The following OSTM1 variants were observed in gnomAD, a reference collection of about 807,000 sequenced individuals.
OSTM1 encodes osteoclastogenesis associated transmembrane protein 1, also known as osteopetrosis-associated transmembrane protein 1.
In OSTM1, 26 loss-of-function variants were observed where a neutral mutation model predicts 35.4. That is an observed-to-expected ratio of 0.73 (90% CI 0.54 to 1.02). OSTM1 has a LOEUF of 1.02. Ranked by LOEUF, OSTM1 falls within the 50% of genes least tolerant of loss-of-function variation. The pLI is 0.00. For missense variants in OSTM1, 366 were observed against 409.6 expected (o/e 0.89, Z 0.92); for synonymous variants, 181 against 165.0 (o/e 1.10, Z -0.75).
intron 1 of OSTM1, among the ~76,000 whole-genome samples, chr6:108,072,565 G>A (rs1312223612): frequency 6.6e-6 from 1 of 150,964 alleles, no homozygotes; most frequent in African/African-American, 2.4e-5. Context: ...CCCAGGAGGC[G>A]GAGATTGCAG....
rs1186643338 is a variant in OSTM1, at chr6:108,074,673, G to A, written c.-22C>T. On this transcript the variant is annotated 5_prime_UTR_variant, in exon 1 of 6. Coordinates refer to ENST00000193322, the MANE Select transcript of OSTM1 (RefSeq NM_014028.4). ...CCATCACCGGGCTCACACACCCCAG[G>A]GAGCCCACCGCCGCCTCTCCGCCCC... 2 of 1,519,978 alleles carry A rather than the reference G, an allele frequency of 1.3e-6. No homozygotes were observed. The highest frequency in any genetic ancestry group is 1.8e-6 in the Non-Finnish European group (2 of 1,139,844). 94.2% of individuals were successfully genotyped at this position (1,519,978 alleles called of 1,614,324 possible).
Position 108,074,664 on chromosome 6 carries a change from A to G in OSTM1, c.-13T>C. 1.9e-6 allele frequency: 3 copies of G among 1,538,472 alleles called. No homozygotes were observed. Among genetic ancestry groups the G allele is most frequent in the Non-Finnish European group, 2.6e-6 (3 of 1,148,902 alleles). On this transcript the variant is annotated 5_prime_UTR_variant, in exon 1 of 6. Transcript: ENST00000193322. ...GGCCCGGCTCCATCACCGGGCTCAC[A>G]CACCCCAGGGAGCCCACCGCCGCCT... is the stretch of plus-strand genomic sequence containing the variant.
chr6:108,055,811 A>C (rs1047602875), intron 2 of OSTM1, among the ~76,000 whole-genome samples: 1 of 152,168 alleles, frequency 6.6e-6, no homozygotes, highest in Non-Finnish European at 1.5e-5. Flanking sequence ...ATCCTTGTAG[A>C]TGCCCTCCTA....
At chr6:108,068,882 C>T (rs1205705941) in intron 1 of OSTM1, among the ~76,000 whole-genome samples, 1 of 152,214 alleles carries the variant, frequency 6.6e-6, no homozygotes, top group Admixed American at 6.5e-5. Flanking sequence ...TGACCTGGCA[C>T]CTGTGTACTT....
chr6:108,047,223 T>C (rs1238285402), intron 5 of OSTM1, among the ~76,000 whole-genome samples: 3 of 152,174 alleles, frequency 2.0e-5, no homozygotes, highest in African/African-American at 4.8e-5. Context: ...TTTGAGCAAG[T>C]AACTTTAGAG....
At chr6:108,055,449 T>C (rs894645655) in intron 2 of OSTM1, among the ~76,000 whole-genome samples, 1 of 152,178 alleles carries the variant, frequency 6.6e-6, no homozygotes, top group African/African-American at 2.4e-5. Flanking sequence ...TCCAAAGTGC[T>C]GGGATTACTT....
At chr6:108,066,054 C>T (rs1422918278) in intron 1 of OSTM1, among the ~76,000 whole-genome samples, 2 of 152,026 alleles carry the variant, frequency 1.3e-5, no homozygotes, top group African/African-American at 4.8e-5. Context: ...ATGTGGTATT[C>T]GGAGAGTATT....
At chr6:108,047,459 A>G (rs1220550232) in intron 5 of OSTM1, among the ~76,000 whole-genome samples, 2 of 152,260 alleles carry the variant, frequency 1.3e-5, no homozygotes, top group Non-Finnish European at 2.9e-5. Context: ...GATTTATTCT[A>G]GGTACAATGG....
chr6:108,041,711 G>A lies in OSTM1; in HGVS notation c.*3074C>T, dbSNP rs148211227. The A allele has an allele frequency of 2.2e-4, 33 of 152,226 alleles. No individual in the cohort carries two copies. The highest frequency in any genetic ancestry group is 7.5e-4 in the African/African-American group (31 of 41,560). The allele number at this position is 152,226 out of a possible 1,614,324, so 9.4% of individuals were successfully genotyped here. ...AAAGAATGACTGTTATAAATAAAGA[G>A]CTCTATGATGTTCCACTTATTTAGT... On this transcript the variant is annotated 3_prime_UTR_variant, in exon 6 of 6. Coordinates refer to ENST00000193322, the MANE Select transcript of OSTM1 (RefSeq NM_014028.4).
Position 108,051,156 on chromosome 6 carries a change from C to T in OSTM1, c.658G>A (p.Val220Ile), listed in dbSNP as rs151132078. ...SLLQTKNYSE[V>I]CKNCREAYKT... ...TATGCTTCACGGCAGTTTTTGCATA[C>T]TTCTGAATAATTTTTTGTCTGTAAA... Residue 220 changes from valine to isoleucine, a missense_variant, in exon 4 of 6, where the codon GTA (valine) becomes ATA (isoleucine). Physicochemically the swap from Val to Ile is conservative, Grantham distance 29. Transcript: ENST00000193322. 225 of 1,613,474 alleles carry T rather than the reference C, an allele frequency of 1.4e-4. 1 individual carries two copies. The highest frequency in any genetic ancestry group is 1.6e-4 in the Non-Finnish European group (186 of 1,179,688).
intron 3 of OSTM1, among the ~76,000 whole-genome samples, chr6:108,052,017 T>C (rs759680892): frequency 1.3e-5 from 2 of 152,202 alleles, no homozygotes; most frequent in African/African-American, 2.4e-5. Flanking sequence ...GTAATTACAC[T>C]GATGTTGGCC....
chr6:108,049,406 G>C lies in OSTM1; in HGVS notation c.796C>G (p.Arg266Gly). 6.2e-7 allele frequency: 1 copy of C among 1,613,514 alleles called. No homozygotes were observed. Among genetic ancestry groups the C allele is most frequent in the Non-Finnish European group, 8.5e-7 (1 of 1,179,560 alleles). The change falls in exon 5 of 6, where the codon CGA becomes GGA. Residue 266 changes from arginine to glycine, a missense_variant. Physicochemically the swap from Arg to Gly is moderately radical, Grantham distance 125. Transcript: ENST00000193322. ...IDVEDAMNITRKLWSRTFNCS... is the reference protein window; with the variant it reads ...IDVEDAMNITGKLWSRTFNCS... Reference sequence around the variant, plus strand: ...TTGAAAGTTCGACTCCATAGTTTTCGAGTGATGTTCATCTGGAACAAGAGC... The same window carrying C: ...TTGAAAGTTCGACTCCATAGTTTTCCAGTGATGTTCATCTGGAACAAGAGC...
At position 108,049,383 on chromosome 6, in the gene OSTM1, G is replaced by C; in HGVS notation, c.819C>G (p.Phe273Leu). ...TGTCACTGCAAGGGACTGAACAGTTGAAAGTTCGACTCCATAGTTTTCGAG... is the reference window on the plus strand; with the variant it reads ...TGTCACTGCAAGGGACTGAACAGTTCAAAGTTCGACTCCATAGTTTTCGAG... ...NITRKLWSRT[F>L]NCSVPCSDTV... is the part of the protein sequence containing the mutation. Residue 273 changes from phenylalanine to leucine, a missense_variant, in exon 5 of 6, where the codon TTC (phenylalanine) becomes TTG (leucine). By Grantham distance (22) the Phe-to-Leu change is conservative. This residue lies in a region of OSTM1 where 125 missense variants were observed against 151.7 expected (regional missense o/e 0.82). Transcript: ENST00000193322. 3 of 1,613,812 alleles carry C rather than the reference G, an allele frequency of 1.9e-6. No individual in the cohort carries two copies. Among genetic ancestry groups the C allele is most frequent in the Non-Finnish European group, 2.5e-6 (3 of 1,179,756 alleles).
intron 4 of OSTM1, among the ~76,000 whole-genome samples, chr6:108,049,854 T>C (rs1772045202): frequency 6.6e-6 from 1 of 152,252 alleles, no homozygotes; most frequent in African/African-American, 2.4e-5. Context: ...CATTTCATTT[T>C]AAGTACTTTT....
chr6:108,046,873 A>T (rs17069241), intron 5 of OSTM1, among the ~76,000 whole-genome samples: 36,692 of 151,872 alleles, frequency 0.24, 4,468 homozygotes, highest in Admixed American at 0.26. Flanking sequence ...TTCTGACAAA[A>T]TTCAAATGAC....
Position 108,042,963 on chromosome 6 carries a change from G to C in OSTM1, c.*1822C>G, listed in dbSNP as rs911958834. On this transcript the variant is annotated 3_prime_UTR_variant, in exon 6 of 6. Transcript: ENST00000193322. ...AAAATGAAAAACTTACACACTTTAG[G>C]GTAGCGCTTAATACTTATCTTTGAA... 1.3e-5 allele frequency: 2 copies of C among 151,992 alleles called. No homozygotes were observed. Among genetic ancestry groups the C allele is most frequent in the Non-Finnish European group, 2.9e-5 (2 of 68,008 alleles). The allele number at this position is 151,992 out of a possible 1,614,324, so 9.4% of individuals were successfully genotyped here.
rs192324968 is a variant in OSTM1, at chr6:108,070,932, T to C, written c.402+3318A>G. Among the ~76,000 whole-genome samples, 1,202 of 149,156 alleles carry C rather than the reference T, an allele frequency of 8.1e-3. 16 individuals are homozygous for C. The highest frequency in any genetic ancestry group is 0.028 in the African/African-American group (1,135 of 40,504). Reference sequence around the variant, plus strand: ...GGCTGGGTGTGGTGGCTCACACCTGTAATCCCAGCACTTTGGGAGGTCGAG... The same window carrying C: ...GGCTGGGTGTGGTGGCTCACACCTGCAATCCCAGCACTTTGGGAGGTCGAG... On this transcript the variant is annotated intron_variant, in intron 1 of 5. Coordinates refer to ENST00000193322, the MANE Select transcript of OSTM1 (RefSeq NM_014028.4).
At position 108,043,171 on chromosome 6, in the gene OSTM1, C is replaced by T. The variant is rs895311649; in HGVS notation, c.*1614G>A. ...CAGAATTGAACATGTCATTTTCTAA[C>T]TCTGCACATGTAAACTTGTTTTATC... On this transcript the variant is annotated 3_prime_UTR_variant, in exon 6 of 6. Coordinates refer to ENST00000193322, the MANE Select transcript of OSTM1 (RefSeq NM_014028.4). The T allele has an allele frequency of 2.0e-5, 3 of 152,208 alleles. No homozygotes were observed. Among genetic ancestry groups the T allele is most frequent in the Non-Finnish European group, 4.4e-5 (3 of 68,030 alleles). 9.4% of individuals were successfully genotyped at this position (152,208 alleles called of 1,614,324 possible).
chr6:108,072,920 T>C (rs1404424927), intron 1 of OSTM1, among the ~76,000 whole-genome samples: 2 of 152,114 alleles, frequency 1.3e-5, no homozygotes, highest in Non-Finnish European at 2.9e-5. Context: ...GCAATTCTTC[T>C]GCCTCAGCTT....
Sources: allele counts gnomAD v4.1 joint callset (sites outside exome capture counted in the v4.1 genomes callset), GRCh38; gene constraint gnomAD v4.1.1; regional missense constraint gnomAD v4.1.1; transcripts MANE v1.5; gene names NCBI Gene and HGNC (gene_info 2026-07-23, HGNC 2026-07-21).